The following RNGTT variants were observed in gnomAD, a reference collection of about 807,000 sequenced individuals.
The protein encoded by RNGTT is mRNA-capping enzyme.
Under a neutral mutation model 79.3 loss-of-function variants are expected in RNGTT, and 33 were observed. The observed-to-expected ratio is 0.42, with a 90% CI of 0.32 to 0.56. The LOEUF (loss-of-function observed/expected upper bound fraction) is 0.56. RNGTT is among the 20% of genes least tolerant of loss of function. The pLI, the probability that RNGTT is intolerant of heterozygous loss-of-function variation, is 0.17. For synonymous variants in RNGTT, 222 were observed against 235.9 expected (o/e 0.94, Z 0.54); for missense variants, 497 against 739.1 (o/e 0.67, Z 3.80).
chr6:88,660,155 A>G (rs1475515563), intron 14 of RNGTT, among the ~76,000 whole-genome samples: 2 of 152,158 alleles, frequency 1.3e-5, no homozygotes, highest in Non-Finnish European at 2.9e-5. Context: ...AAAAAGTTCT[A>G]AATCTTAAAA....
chr6:88,923,820 A>T (rs1784235957), intron 4 of RNGTT, among the ~76,000 whole-genome samples: 3 of 145,668 alleles, frequency 2.1e-5, no homozygotes, highest in East Asian at 1.9e-4. Flanking sequence ...AAGTTGATTT[A>T]AAAAAAAACA....
At chr6:88,901,972 A>G (rs551680736) in intron 6 of RNGTT, among the ~76,000 whole-genome samples, 1 of 152,330 alleles carries the variant, frequency 6.6e-6, no homozygotes, top group African/African-American at 2.4e-5. Flanking sequence ...AAATACATGA[A>G]AGAAAGAGCA....
intron 11 of RNGTT, among the ~76,000 whole-genome samples, chr6:88,826,903 GC>G (rs1232236525): frequency 1.4e-5 from 2 of 147,712 alleles, no homozygotes; most frequent in Non-Finnish European, 3.0e-5. Flanking sequence ...AAATTAATGT[GC>G]TGGAACTAAA....
At chr6:88,774,437 G>A (rs1778802783) in intron 12 of RNGTT, among the ~76,000 whole-genome samples, 1 of 152,096 alleles carries the variant, frequency 6.6e-6, no homozygotes, top group South Asian at 2.1e-4. Flanking sequence ...GCCAAACACA[G>A]AATTACCACA....
At chr6:88,673,495 T>C (rs1774734328) in intron 14 of RNGTT, among the ~76,000 whole-genome samples, 1 of 152,228 alleles carries the variant, frequency 6.6e-6, no homozygotes, top group African/African-American at 2.4e-5. Flanking sequence ...AATATGCATG[T>C]AATTTGGTGG....
In RNGTT at chr6:88,917,969, TA is replaced by T. The variant is rs149179456; in HGVS notation, c.367+11015del. 9.0e-3 allele frequency among the ~76,000 whole-genome samples: 1,366 copies of T among 152,232 alleles called. 11 individuals are homozygous for T. Among genetic ancestry groups the T allele is most frequent in the Non-Finnish European group, 0.014 (925 of 68,006 alleles). ...TGTATGCCAAGTAAAGGAAATTTTC[TA>T]AGTTATGAGTGCTTAGATGTCACAT... On this transcript the variant is annotated intron_variant, in intron 4 of 15. Transcript: ENST00000369485.
intron 4 of RNGTT, among the ~76,000 whole-genome samples, chr6:88,913,262 A>T (rs1783895192): frequency 6.6e-6 from 1 of 151,440 alleles, no homozygotes; most frequent in Non-Finnish European, 1.5e-5. Flanking sequence ...ATGGATTCCC[A>T]GCCCAATTCT....
At chr6:88,657,762 A>G (rs1053573844) in intron 14 of RNGTT, among the ~76,000 whole-genome samples, 1 of 152,116 alleles carries the variant, frequency 6.6e-6, no homozygotes, top group Non-Finnish European at 1.5e-5. Context: ...CTGCATGGGA[A>G]CTGGATAAAG....
chr6:88,748,964 A>G (rs1368607496), intron 13 of RNGTT, among the ~76,000 whole-genome samples: 1 of 152,150 alleles, frequency 6.6e-6, no homozygotes, highest in East Asian at 1.9e-4. Context: ...AACAAAGAAA[A>G]GAAAGGTTAC....
intron 4 of RNGTT, among the ~76,000 whole-genome samples, chr6:88,913,658 T>C (rs1259289061): frequency 6.6e-6 from 1 of 152,140 alleles, no homozygotes; most frequent in Non-Finnish European, 1.5e-5. Flanking sequence ...AAATCCAACA[T>C]TCCTGCATGA....
chr6:88,901,495 C>CTGTTTTTTTTTTTTTTTTTT (rs1783458865), intron 6 of RNGTT, among the ~76,000 whole-genome samples: 1 of 65,776 alleles, frequency 1.5e-5, no homozygotes, highest in Non-Finnish European at 2.7e-5. Flanking sequence ...GCACCCTGAT[C>CTGTTTTTTTTTTTTTTTTTT]TTTTTTTTTT....
At chr6:88,724,631 C>T (rs1776823665) in intron 13 of RNGTT, among the ~76,000 whole-genome samples, 1 of 152,144 alleles carries the variant, frequency 6.6e-6, no homozygotes, top group Admixed American at 6.5e-5. Context: ...GACCTAGATC[C>T]CTCACACGTG....
At chr6:88,950,517 A>G (rs988318345) in intron 1 of RNGTT, among the ~76,000 whole-genome samples, 10 of 152,248 alleles carry the variant, frequency 6.6e-5, no homozygotes, top group African/African-American at 2.4e-4. Context: ...GATGCCATTA[A>G]GAATATTCAT....
chr6:88,915,072 A>G (rs144838386), intron 4 of RNGTT, among the ~76,000 whole-genome samples: 14,449 of 152,290 alleles, frequency 0.095, 882 homozygotes, highest in Middle Eastern at 0.2. Flanking sequence ...ATGAGATACC[A>G]TCTCATACCA....
rs1562169834 is a variant in RNGTT at position 88,648,471 on chromosome 6, T to TAATA, written c.1506+29881_1506+29882insTATT. Among the ~76,000 whole-genome samples the TAATA allele has an allele frequency of 1.7e-3, 256 of 147,060 alleles. 2 individuals are homozygous for TAATA. The highest frequency in any genetic ancestry group is 6.3e-3 in the African/African-American group (251 of 39,576). On this transcript the variant is annotated intron_variant, in intron 14 of 15. Transcript: ENST00000369485. ...ACATGTACCCTAAAACTTAAAGTAT[T>TAATA]ATAATAATAATAATAATAATAATAA... is the stretch of plus-strand genomic sequence containing the variant.
At chr6:88,636,635 A>G (rs1773110388) in intron 14 of RNGTT, among the ~76,000 whole-genome samples, 1 of 148,712 alleles carries the variant, frequency 6.7e-6, no homozygotes, top group African/African-American at 2.5e-5. Context: ...TTTAAGGGGA[A>G]AAAAAAAAAC....
chr6:88,741,380 T>G (rs1777487010), intron 13 of RNGTT, among the ~76,000 whole-genome samples: 1 of 151,964 alleles, frequency 6.6e-6, no homozygotes, highest in African/African-American at 2.4e-5. Flanking sequence ...AAGTGGGAGC[T>G]AAACACTGGG....
intron 1 of RNGTT, among the ~76,000 whole-genome samples, chr6:88,942,458 C>A (rs1784882162): frequency 6.6e-6 from 1 of 151,294 alleles, no homozygotes; most frequent in Admixed American, 6.6e-5. Context: ...GCAGCCTCAA[C>A]CTCCTGGGCT....
At chr6:88,631,681 T>A (rs1772894938) in intron 14 of RNGTT, among the ~76,000 whole-genome samples, 1 of 152,022 alleles carries the variant, frequency 6.6e-6, no homozygotes, top group South Asian at 2.1e-4. Flanking sequence ...GCAGGTACCA[T>A]CCCATGTGTT....
Sources: allele counts gnomAD v4.1 joint callset (sites outside exome capture counted in the v4.1 genomes callset), GRCh38; gene constraint gnomAD v4.1.1; transcripts MANE v1.5; gene names NCBI Gene and HGNC (gene_info 2026-07-23, HGNC 2026-07-21).